RNF13: variants seen among roughly 807,000 people sequenced by gnomAD.
RNF13 encodes E3 ubiquitin-protein ligase RNF13.
RNF13 carries 19 observed loss-of-function variants against 37.7 expected under a neutral mutation model. That is an observed-to-expected ratio of 0.50 (90% CI 0.35 to 0.74). The LOEUF (loss-of-function observed/expected upper bound fraction) is 0.74. Among genes scored for constraint, RNF13 ranks in the 30% least tolerant of loss-of-function variants. RNF13 has a pLI of 0.01. For synonymous variants in RNF13, 144 were observed against 157.8 expected (o/e 0.91, Z 0.65); for missense variants, 375 against 453.0 (o/e 0.83, Z 1.56).
chr3:149,909,442 A>ATTTTTTTTTTTT (rs35918938), intron 6 of RNF13, among the ~76,000 whole-genome samples: 7 of 114,446 alleles, frequency 6.1e-5, no homozygotes, highest in Non-Finnish European at 8.6e-5. Context: ...TGCCTGGTTA[A>ATTTTTTTTTTTT]TTTTTTTTTT....
chr3:149,954,995 T>A (rs1721721533), intron 8 of RNF13, among the ~76,000 whole-genome samples: 1 of 152,160 alleles, frequency 6.6e-6, no homozygotes, highest in Non-Finnish European at 1.5e-5. Flanking sequence ...TCACTTAACA[T>A]CCCTCTATTA....
chr3:149,835,204 G>A (rs1295549660), intron 1 of RNF13, among the ~76,000 whole-genome samples: 1 of 152,076 alleles, frequency 6.6e-6, no homozygotes, highest in Non-Finnish European at 1.5e-5. Context: ...GTGCATTGAA[G>A]GACAGTACCA....
intron 8 of RNF13, among the ~76,000 whole-genome samples, chr3:149,954,555 T>A (rs1027216025): frequency 5.3e-5 from 8 of 152,210 alleles, no homozygotes; most frequent in Middle Eastern, 3.2e-3. Flanking sequence ...GGAAATATCT[T>A]CCATTGGCAT....
At chr3:149,911,138 T>C (rs1308992007) in intron 6 of RNF13, among the ~76,000 whole-genome samples, 2 of 152,160 alleles carry the variant, frequency 1.3e-5, no homozygotes, top group Non-Finnish European at 2.9e-5. Context: ...CATAGATAAT[T>C]GTAGAGTATA....
chr3:149,845,785 A>G, intron 1 of RNF13: 1 of 372,564 alleles, frequency 2.7e-6, no homozygotes, highest in South Asian at 5.4e-5. Flanking sequence ...TTAAAACAGA[A>G]CTTTGTCATC....
intron 4 of RNF13, among the ~76,000 whole-genome samples, chr3:149,890,084 A>AAAC (rs1246864028): frequency 1.3e-5 from 2 of 152,162 alleles, no homozygotes; most frequent in African/African-American, 4.8e-5. Flanking sequence ...TTTCCTATCA[A>AAAC]AACAAAGTTT....
chr3:149,943,354 C>T (rs571933357), intron 8 of RNF13, among the ~76,000 whole-genome samples: 62 of 152,170 alleles, frequency 4.1e-4, no homozygotes, highest in African/African-American at 1.4e-3. Context: ...CAACATCCTG[C>T]ACTAGAGTGG....
chr3:149,930,172 G>C (rs1719030010), intron 8 of RNF13, among the ~76,000 whole-genome samples: 1 of 152,070 alleles, frequency 6.6e-6, no homozygotes, highest in African/African-American at 2.4e-5. Context: ...CAAGTGATCT[G>C]CCTGCCTCGG....
chr3:149,952,695 G>A (rs1721463050), intron 8 of RNF13, among the ~76,000 whole-genome samples: 1 of 152,076 alleles, frequency 6.6e-6, no homozygotes. Context: ...TGCCTCCCGG[G>A]TTCAAGCGAT....
intron 6 of RNF13, among the ~76,000 whole-genome samples, chr3:149,909,952 G>A (rs199730854): frequency 8.8e-5 from 13 of 148,518 alleles, no homozygotes; most frequent in Non-Finnish European, 7.4e-5. Flanking sequence ...AAAAAGAGAA[G>A]AAAAAAAAAA....
Position 149,872,118 on chromosome 3 carries a change from G to T in RNF13, c.285G>T (p.Val95=). Residue 95 remains valine, a synonymous_variant, in exon 4 of 10, where the codon GTG becomes GTT. Coordinates refer to ENST00000392894, the MANE Select transcript of RNF13 (RefSeq NM_183381.3). ...VKDNSSGTFI[V]LIRRLDCNFD... ...ACAATTCATCTGGCACTTTCATCGT[G>T]TTAATTAGAAGACTTGATTGTAATT... is the stretch of plus-strand genomic sequence containing the variant. 1 of 1,596,230 alleles carries T rather than the reference G, an allele frequency of 6.3e-7. No individual in the cohort carries two copies. Among genetic ancestry groups the T allele is most frequent in the South Asian group, 1.1e-5 (1 of 89,074 alleles).
chr3:149,848,948 G>A (rs932690345), intron 2 of RNF13, among the ~76,000 whole-genome samples: 5 of 152,006 alleles, frequency 3.3e-5, no homozygotes, highest in Admixed American at 6.6e-5. Context: ...CCTGGTGCCT[G>A]GTGTCAGTTA....
chr3:149,849,293 T>A (rs1722927524), intron 2 of RNF13, among the ~76,000 whole-genome samples: 1 of 152,170 alleles, frequency 6.6e-6, no homozygotes, highest in Non-Finnish European at 1.5e-5. Context: ...AAACAACCCA[T>A]GTAGCTTGAT....
At chr3:149,939,827 G>T in intron 8 of RNF13, 2 of 528,510 alleles carry the variant, frequency 3.8e-6, no homozygotes, top group East Asian at 4.8e-5. Flanking sequence ...AGGTGGGAGA[G>T]AAGGTGGACA....
At chr3:149,921,512 T>C (rs777151823) in intron 8 of RNF13, among the ~76,000 whole-genome samples, 3 of 152,260 alleles carry the variant, frequency 2.0e-5, no homozygotes, top group Middle Eastern at 6.8e-3. Context: ...CCATGTGTTC[T>C]CATTGTTCAC....
At chr3:149,892,420 AT>A (rs950594162) in intron 4 of RNF13, among the ~76,000 whole-genome samples, 5 of 152,318 alleles carry the variant, frequency 3.3e-5, no homozygotes, top group African/African-American at 4.8e-5. Flanking sequence ...TTGAAAGATT[AT>A]TACTTTGTCT....
intron 8 of RNF13, among the ~76,000 whole-genome samples, chr3:149,958,190 TA>T (rs1449892510): frequency 4.6e-5 from 7 of 152,178 alleles, no homozygotes; most frequent in Admixed American, 1.3e-4. Context: ...CTTAATGCCC[TA>T]AAACAACAAA....
chr3:149,885,467 T>C (rs1576821571), intron 4 of RNF13, among the ~76,000 whole-genome samples: 1 of 152,210 alleles, frequency 6.6e-6, no homozygotes, highest in African/African-American at 2.4e-5. Flanking sequence ...TGACTTGCAT[T>C]TATCTGATGA....
At chr3:149,816,013 C>T (rs1426999378) in intron 1 of RNF13, among the ~76,000 whole-genome samples, 1 of 152,016 alleles carries the variant, frequency 6.6e-6, no homozygotes, top group African/African-American at 2.4e-5. Flanking sequence ...CTATCTTAGC[C>T]CGACAAGTAG....
Sources: gnomAD v4.1 joint callset for allele counts (sites outside exome capture counted in the v4.1 genomes callset) on GRCh38, gnomAD v4.1.1 for gene constraint, MANE v1.5 for transcripts, NCBI Gene and HGNC (gene_info 2026-07-23, HGNC 2026-07-21) for gene names.